The following GPR89B variants were observed in gnomAD, a reference collection of about 807,000 sequenced individuals.
GPR89B encodes the protein golgi pH regulator B.
Under a neutral mutation model 52.4 loss-of-function variants are expected in GPR89B, and 25 were observed. The ratio of observed to expected loss-of-function variants is 0.48; its 90% CI spans 0.35 to 0.67. The LOEUF is 0.67. Ranked by LOEUF, GPR89B falls within the 30% of genes least tolerant of loss-of-function variation. The pLI, the probability that GPR89B is intolerant of heterozygous loss-of-function variation, is 0.01. For synonymous variants in GPR89B, 52 were observed against 151.2 expected, an observed-to-expected ratio of 0.34 and a Z score of 4.81; for missense variants, 146 against 450.2, an observed-to-expected ratio of 0.32 and a Z score of 6.11.
the GPR89B span, among the ~76,000 whole-genome samples, chr1:148,014,194 G>A: frequency 2.0e-5 from 3 of 151,428 alleles, no homozygotes; most frequent in Non-Finnish European, 2.9e-5. Flanking sequence ...CGCCGTTGCA[G>A]GCGGGAGTTG....
intron 7 of GPR89B, among the ~76,000 whole-genome samples, chr1:147,962,708 T>C (rs1302051758): frequency 1.3e-5 from 2 of 151,416 alleles, no homozygotes; most frequent in Non-Finnish European, 2.9e-5. Flanking sequence ...ACTAGACCGG[T>C]GAACATGGTG....
At chr1:147,936,116 CA>C (rs1489193944) in intron 1 of GPR89B, among the ~76,000 whole-genome samples, 1 of 152,056 alleles carries the variant, frequency 6.6e-6, no homozygotes, top group African/African-American at 2.4e-5. Flanking sequence ...CTCCCAGATT[CA>C]AGCGATTCTC....
At chr1:147,951,792 G>A (rs1655730751) in intron 5 of GPR89B, among the ~76,000 whole-genome samples, 1 of 151,808 alleles carries the variant, frequency 6.6e-6, no homozygotes, top group Non-Finnish European at 1.5e-5. Context: ...CAATATCCCA[G>A]AACTCACATA....
intron 5 of GPR89B, among the ~76,000 whole-genome samples, chr1:147,949,515 G>T (rs1655348322): frequency 7.8e-6 from 1 of 128,292 alleles, no homozygotes; most frequent in Admixed American, 7.2e-5. Context: ...TTCCCAGTAG[G>T]GGCGGCCGGG....
intron 11 of GPR89B, among the ~76,000 whole-genome samples, chr1:147,987,747 C>T (rs1287508049): frequency 6.6e-6 from 1 of 151,852 alleles, no homozygotes; most frequent in African/African-American, 2.4e-5. Flanking sequence ...AGATACTTTT[C>T]AGAACTGAAT....
chr1:148,018,948 G>A, the GPR89B span, among the ~76,000 whole-genome samples: 6 of 151,074 alleles, frequency 4.0e-5, no homozygotes, highest in South Asian at 2.1e-4. Flanking sequence ...TTACAGGCAT[G>A]AGCCACTGCA....
At chr1:147,958,963 C>T (rs1355591470) in intron 7 of GPR89B, among the ~76,000 whole-genome samples, 2 of 152,148 alleles carry the variant, frequency 1.3e-5, no homozygotes, top group African/African-American at 4.8e-5. Context: ...TTGCCATTTA[C>T]CACAATATAG....
At chr1:147,991,706 A>G (rs1659084551) in intron 12 of GPR89B, among the ~76,000 whole-genome samples, 1 of 152,168 alleles carries the variant, frequency 6.6e-6, no homozygotes, top group African/African-American at 2.4e-5. Flanking sequence ...TGAGATAACC[A>G]TGTGGTTTTT....
the GPR89B span, among the ~76,000 whole-genome samples, chr1:147,999,036 G>T: frequency 7.2e-5 from 11 of 152,108 alleles, no homozygotes; most frequent in Middle Eastern, 3.4e-3. Flanking sequence ...TTACTTTGGA[G>T]AGCGGGGAAG....
chr1:147,983,262 G>A (rs1207866254), intron 10 of GPR89B, among the ~76,000 whole-genome samples: 8 of 152,208 alleles, frequency 5.3e-5, no homozygotes, highest in African/African-American at 1.7e-4. Context: ...CATAGGCATG[G>A]GCAAGGACTT....
At position 147,936,665 on chromosome 1, in the gene GPR89B, C is replaced by T; in HGVS notation, c.81C>T (p.Arg27=). 2.5e-6 allele frequency: 4 copies of T among 1,611,780 alleles called. No homozygotes were observed. The highest frequency in any genetic ancestry group is 3.4e-6 in the Non-Finnish European group (4 of 1,178,312). Residue 27 remains arginine (R), a synonymous_variant, in exon 2 of 14, where the codon CGC becomes CGT. Transcript: ENST00000314163. ...FFGFGWLFFM[R]QLFKDYEIRQ... ...GATTTGGGTGGCTTTTCTTCATGCG[C>T]CAATTGTTTAAAGACTATGAGGTGA...
the GPR89B span, among the ~76,000 whole-genome samples, chr1:148,012,910 T>G: frequency 2.0e-5 from 3 of 152,164 alleles, no homozygotes; most frequent in Admixed American, 6.5e-5. Context: ...CTCTGCAGCA[T>G]TATTTTTTAT....
At chr1:147,949,846 G>T (rs1553250629) in intron 5 of GPR89B, among the ~76,000 whole-genome samples, 1 of 139,310 alleles carries the variant, frequency 7.2e-6, no homozygotes. Flanking sequence ...CGGGCAGAGG[G>T]GCTCCTCACT....
chr1:147,959,383 G>A (rs2149066030), intron 7 of GPR89B, among the ~76,000 whole-genome samples: 1 of 152,206 alleles, frequency 6.6e-6, no homozygotes, highest in South Asian at 2.1e-4. Context: ...AAGAATTTAA[G>A]CAATTCTTTC....
intron 12 of GPR89B, among the ~76,000 whole-genome samples, chr1:147,992,032 A>G (rs1459061225): frequency 3.3e-5 from 5 of 152,004 alleles, no homozygotes; most frequent in African/African-American, 1.2e-4. Context: ...GACTTCACGG[A>G]GGTGGAAAGT....
intron 10 of GPR89B, among the ~76,000 whole-genome samples, chr1:147,972,814 C>A (rs1276917959): frequency 6.7e-6 from 1 of 148,956 alleles, no homozygotes; most frequent in Admixed American, 6.6e-5. Context: ...CTCCCTCCCC[C>A]TCCCCGCCTT....
intron 10 of GPR89B, among the ~76,000 whole-genome samples, chr1:147,981,407 C>T (rs1389458571): frequency 1.4e-5 from 2 of 148,070 alleles, no homozygotes; most frequent in East Asian, 2.0e-4. Flanking sequence ...GAGGCTGAGG[C>T]GGGGGAGGAT....
chr1:147,960,529 G>T (rs1406913721), intron 7 of GPR89B, among the ~76,000 whole-genome samples: 1 of 151,956 alleles, frequency 6.6e-6, no homozygotes, highest in East Asian at 1.9e-4. Flanking sequence ...GGGCTTAACA[G>T]GAGAATTGAG....
chr1:148,010,021 T>C, the GPR89B span: 1 of 176,296 alleles, frequency 5.7e-6, no homozygotes, highest in South Asian at 1.4e-4. Flanking sequence ...GAACCATCAG[T>C]GTTCCATGTA....
Sources: allele counts gnomAD v4.1 joint callset (sites outside exome capture counted in the v4.1 genomes callset), GRCh38; gene constraint gnomAD v4.1.1; transcripts MANE v1.5; gene names NCBI Gene and HGNC (gene_info 2026-07-23, HGNC 2026-07-21).